The following TET2 variants were observed in gnomAD, a reference collection of about 807,000 sequenced individuals.
The protein encoded by TET2 is tet methylcytosine dioxygenase 2.
A neutral mutation model predicts 142.9 loss-of-function variants in TET2; 299 were observed. That is an observed-to-expected ratio of 2.09 (90% CI 1.90 to 2.30). TET2 has a LOEUF of 2.30. TET2 is among the 30% of genes most tolerant of loss of function. The probability of loss-of-function intolerance (pLI) is 0.00; values close to 1 mark genes in which losing one functional copy is unlikely to be tolerated. For missense variants in TET2, 2,418 were observed against 2,378.0 expected (o/e 1.02, Z -0.35); for synonymous variants, 819 against 849.0 (o/e 0.96, Z 0.61).
intron 8 of TET2, among the ~76,000 whole-genome samples, chr4:105,262,881 C>CAAA (rs34819518): frequency 3.7e-5 from 5 of 133,748 alleles, no homozygotes; most frequent in African/African-American, 8.2e-5. Flanking sequence ...AACTCCATCT[C>CAAA]AAAAAAAAAA....
intron 1 of TET2, among the ~76,000 whole-genome samples, chr4:105,155,983 T>C (rs1723547859): frequency 6.6e-6 from 1 of 152,200 alleles, no homozygotes; most frequent in Non-Finnish European, 1.5e-5. Context: ...AGATAGAATT[T>C]AGGTTCTGTT....
rs2110300157 is a variant in TET2, at chr4:105,269,592, C to T, written c.4045-18C>T. On this transcript the variant is annotated intron_variant, in intron 8 of 10. Coordinates refer to ENST00000380013, the MANE Select transcript of TET2 (RefSeq NM_001127208.3). Reference sequence around the variant, plus strand: ...AAAACTAACTACTTTCGCATTCACACACACTTTTATTTTTCAGATTGAATA... The same window carrying T: ...AAAACTAACTACTTTCGCATTCACATACACTTTTATTTTTCAGATTGAATA... 2 of 1,550,708 alleles carry T rather than the reference C, an allele frequency of 1.3e-6. No individual in the cohort carries two copies. The highest frequency in any genetic ancestry group is 1.7e-6 in the Non-Finnish European group (2 of 1,146,312).
At chr4:105,257,279 A>AAATAAATAAAATAAT (rs1437133815) in intron 6 of TET2, among the ~76,000 whole-genome samples, 5 of 152,172 alleles carry the variant, frequency 3.3e-5, no homozygotes, top group Admixed American at 1.3e-4. Flanking sequence ...ACAAAAATAA[A>AAATAAATAAAATAAT]AATAAATAAA....
At chr4:105,181,606 A>G (rs1303651651) in intron 1 of TET2, among the ~76,000 whole-genome samples, 3 of 152,214 alleles carry the variant, frequency 2.0e-5, no homozygotes, top group African/African-American at 7.2e-5. Flanking sequence ...ATTCTGTACA[A>G]TCTCCTACAT....
chr4:105,275,255 CT>C lies in TET2; in HGVS notation c.4747del (p.Ser1583HisfsTer13), dbSNP rs1221848536. On this transcript the variant is annotated frameshift_variant, in exon 11 of 11. Transcript: ENST00000380013. LOFTEE classifies it low-confidence loss of function (END_TRUNC). Reference sequence around the variant, plus strand: ...AATCCAGTTAGTCCTTATCCAAACTCTTCACACACTTCAGATATCTATGGAA... The same window carrying C: ...AATCCAGTTAGTCCTTATCCAAACTCTCACACACTTCAGATATCTATGGAA... The part of the protein sequence containing the change: ...RPNPVSPYPN[S>X]SHTSDIYGST... 6.4e-7 allele frequency: 1 copy of C among 1,552,220 alleles called. No homozygotes were observed. The highest frequency in any genetic ancestry group is 8.7e-7 in the Non-Finnish European group (1 of 1,147,136).
At chr4:105,213,855 A>C (rs1403486647) in intron 2 of TET2, among the ~76,000 whole-genome samples, 1 of 152,070 alleles carries the variant, frequency 6.6e-6, no homozygotes, top group Non-Finnish European at 1.5e-5. Context: ...CTCAATAAGT[A>C]ATGAGTTGAG....
At chr4:105,188,834 T>G (rs755376063) in intron 1 of TET2, among the ~76,000 whole-genome samples, 1 of 152,126 alleles carries the variant, frequency 6.6e-6, no homozygotes, top group Admixed American at 6.6e-5. Flanking sequence ...TGATTAGTGG[T>G]CACCAAGGCC....
chr4:105,158,213 A>G (rs1723661578), intron 1 of TET2, among the ~76,000 whole-genome samples: 1 of 152,236 alleles, frequency 6.6e-6, no homozygotes, highest in Non-Finnish European at 1.5e-5. Context: ...TTTTAAAAAT[A>G]CAATGAGTTT....
intron 6 of TET2, among the ~76,000 whole-genome samples, chr4:105,247,910 C>T (rs141004327): frequency 1.3e-5 from 2 of 151,820 alleles, no homozygotes; most frequent in African/African-American, 4.8e-5. Context: ...TTAGTAGAGA[C>T]GGGGTTTCGC....
chr4:105,200,444 T>C (rs1726386922), intron 2 of TET2, among the ~76,000 whole-genome samples: 1 of 148,548 alleles, frequency 6.7e-6, no homozygotes, highest in Non-Finnish European at 1.5e-5. Context: ...AGATGCTGGA[T>C]ACTATTGTCA....
In TET2 at chr4:105,243,555, T is replaced by G; in HGVS notation, c.3595-15T>G. 1 of 1,551,284 alleles carries G rather than the reference T, an allele frequency of 6.4e-7. No homozygotes were observed. On this transcript the variant is annotated splice_polypyrimidine_tract_variant and intron_variant, in intron 5 of 10. Coordinates refer to ENST00000380013, the MANE Select transcript of TET2 (RefSeq NM_001127208.3). ...GGGGTGGGGGGTGTTTGGGATGGAATGGTGATCCACGCAGGTGGTTCGCAG... is the reference window on the plus strand; with the variant it reads ...GGGGTGGGGGGTGTTTGGGATGGAAGGGTGATCCACGCAGGTGGTTCGCAG...
At chr4:105,167,242 A>G (rs747109106) in intron 1 of TET2, among the ~76,000 whole-genome samples, 2 of 152,056 alleles carry the variant, frequency 1.3e-5, no homozygotes, top group African/African-American at 4.8e-5. Context: ...ATGGTAGCCT[A>G]TTTCGTGGCT....
intron 2 of TET2, among the ~76,000 whole-genome samples, chr4:105,222,584 T>C (rs1727906629): frequency 1.3e-5 from 2 of 152,234 alleles, no homozygotes; most frequent in Admixed American, 6.5e-5. Flanking sequence ...CTTGTAAATT[T>C]GTTTGAGTTC....
chr4:105,251,612 T>C (rs979100354), intron 6 of TET2, among the ~76,000 whole-genome samples: 2 of 141,528 alleles, frequency 1.4e-5, no homozygotes, highest in African/African-American at 4.9e-5. Context: ...TTACTTTTTA[T>C]ATATTGCTGG....
chr4:105,255,227 TACA>T (rs1730063128), intron 6 of TET2, among the ~76,000 whole-genome samples: 1 of 152,230 alleles, frequency 6.6e-6, no homozygotes, highest in African/African-American at 2.4e-5. Flanking sequence ...AGTTTTCATT[TACA>T]ACAAGGTATT....
chr4:105,202,525 T>C (rs1460881807), intron 2 of TET2: 1 of 152,240 alleles, frequency 6.6e-6, no homozygotes, highest in Non-Finnish European at 1.5e-5. Flanking sequence ...TCATAACTTA[T>C]TAAATTTTTA....
chr4:105,163,854 A>AGAGTGT (rs1553942671), intron 1 of TET2, among the ~76,000 whole-genome samples: 97 of 85,218 alleles, frequency 1.1e-3, no homozygotes, highest in South Asian at 2.8e-3. Flanking sequence ...AGAGAGAGAG[A>AGAGTGT]GTGTGTGTGT....
At chr4:105,260,764 T>A (rs1730384322) in intron 7 of TET2, among the ~76,000 whole-genome samples, 1 of 152,146 alleles carries the variant, frequency 6.6e-6, no homozygotes, top group Non-Finnish European at 1.5e-5. Context: ...TTTTAAAGGA[T>A]GTTTTCAATA....
intron 3 of TET2, chr4:105,240,065 C>T: frequency 4.2e-6 from 1 of 236,022 alleles, no homozygotes; most frequent in African/African-American, 2.2e-5. Context: ...CGGTTTGTGG[C>T]ACCCCCCAAA....
Sources: gnomAD v4.1 joint callset for allele counts (sites outside exome capture counted in the v4.1 genomes callset) on GRCh38, gnomAD v4.1.1 for gene constraint, MANE v1.5 for transcripts, NCBI Gene and HGNC (gene_info 2026-07-23, HGNC 2026-07-21) for gene names.